NCKAP5: variants seen among roughly 807,000 people sequenced by gnomAD.
NCKAP5 encodes nck-associated protein 5.
In NCKAP5, 92 loss-of-function variants were observed where a neutral mutation model predicts 167.0. That is an observed-to-expected ratio of 0.55 (90% CI 0.47 to 0.66). The LOEUF (loss-of-function observed/expected upper bound fraction) is 0.66, where lower values mean the gene tolerates loss of function less well. NCKAP5 is among the 30% of genes least tolerant of loss of function. NCKAP5 has a pLI of 0.00. For missense variants in NCKAP5, 2,378 were observed against 2,315.0 expected (o/e 1.03, Z -0.56); for synonymous variants, 891 against 877.4 (o/e 1.02, Z -0.27).
At chr2:133,059,622 G>A (rs2079924840) in intron 6 of NCKAP5, among the ~76,000 whole-genome samples, 1 of 150,982 alleles carries the variant, frequency 6.6e-6, no homozygotes, top group South Asian at 2.1e-4. Context: ...GCAGTAAGCT[G>A]CAATCATGCC....
chr2:133,636,606 C>T, the NCKAP5 span, among the ~76,000 whole-genome samples: 1 of 152,192 alleles, frequency 6.6e-6, no homozygotes, highest in Admixed American at 6.5e-5. Context: ...ACACAACAAA[C>T]ATCCTTTTTA....
the NCKAP5 span, among the ~76,000 whole-genome samples, chr2:133,605,255 T>A: frequency 6.6e-6 from 1 of 152,174 alleles, no homozygotes; most frequent in East Asian, 1.9e-4. Flanking sequence ...AATTGGTTGG[T>A]TGGTCCCTGT....
intron 16 of NCKAP5, among the ~76,000 whole-genome samples, chr2:132,737,591 C>A (rs1044035841): frequency 8.5e-5 from 13 of 152,132 alleles, no homozygotes; most frequent in African/African-American, 3.1e-4. Flanking sequence ...AAAATCCCCA[C>A]TCATCTCACT....
intron 3 of NCKAP5, among the ~76,000 whole-genome samples, chr2:133,474,155 T>C (rs201039851): frequency 9.1e-5 from 13 of 142,650 alleles, no homozygotes; most frequent in East Asian, 4.0e-4. Flanking sequence ...TATCTATCTA[T>C]ACACACACAC....
In NCKAP5 at chr2:132,784,670, G is replaced by A. The variant is rs1206944014; in HGVS notation, c.2141C>T (p.Pro714Leu). 15 of 1,613,838 alleles carry A rather than the reference G, an allele frequency of 9.3e-6. 1 individual carries two copies. Among genetic ancestry groups the A allele is most frequent in the South Asian group, 4.4e-5 (4 of 91,080 alleles). The change falls in exon 14 of 20, where the codon CCT (proline) becomes CTT (leucine). Residue 714 changes from proline to leucine, a missense_variant. Physicochemically the swap from Pro to Leu is moderately conservative, Grantham distance 98 (BLOSUM62 -3). This residue lies in a region of NCKAP5 where 1,049 missense variants were observed against 1,023.4 expected (regional missense o/e 1.02). Coordinates refer to ENST00000409261, the MANE Select transcript of NCKAP5 (RefSeq NM_207363.3). ...GPKAEHTELL[P>L]QGIACLQPRA... The stretch of plus-strand genomic sequence containing the variant: ...TGGCTGTAAACAAGCAATTCCCTGA[G>A]GTAAAAGCTCAGTATGTTCTGCCTT...
intron 3 of NCKAP5, among the ~76,000 whole-genome samples, chr2:133,430,286 T>G (rs948778734): frequency 6.6e-5 from 10 of 152,160 alleles, no homozygotes; most frequent in African/African-American, 2.4e-4. Flanking sequence ...CTTTCTTGGA[T>G]GCATAGTTTG....
Position 133,130,157 on chromosome 2 carries a change from C to T in NCKAP5, c.208-46G>A, listed in dbSNP as rs761177276. Reference sequence around the variant, plus strand: ...ATGACTTTTAGGAAGGTGTTTATGACAAAAATAAGAAATAGCTGGTTATCA... The same window carrying T: ...ATGACTTTTAGGAAGGTGTTTATGATAAAAATAAGAAATAGCTGGTTATCA... On this transcript the variant is annotated intron_variant, in intron 5 of 19. Transcript: ENST00000409261. 1.9e-6 allele frequency: 3 copies of T among 1,567,448 alleles called. No homozygotes were observed. In the African/African-American group the frequency reaches 4.2e-5, roughly 22 times the overall value.
intron 4 of NCKAP5, among the ~76,000 whole-genome samples, chr2:133,265,424 G>A (rs914553994): frequency 3.3e-5 from 5 of 152,010 alleles, no homozygotes; most frequent in Admixed American, 1.3e-4. Context: ...AAGGAGAGGA[G>A]GAGGAAGGCC....
intron 3 of NCKAP5, among the ~76,000 whole-genome samples, chr2:133,403,886 G>GAT (rs1553634124): frequency 1.4e-5 from 2 of 138,204 alleles, no homozygotes. Flanking sequence ...CAGTCAGGTG[G>GAT]ATGTGTGTGT....
chr2:133,560,710 T>C (rs1363777237), intron 1 of NCKAP5, among the ~76,000 whole-genome samples: 1 of 152,250 alleles, frequency 6.6e-6, no homozygotes, highest in East Asian at 1.9e-4. Context: ...CATGACACGC[T>C]CTCAGCTCTC....
In NCKAP5 at chr2:132,878,861, C is replaced by T. The variant is rs760005559; in HGVS notation, c.635G>A (p.Arg212Gln). 111 of 1,613,304 alleles carry T rather than the reference C, an allele frequency of 6.9e-5. No individual in the cohort carries two copies. The highest frequency in any genetic ancestry group is 5.7e-4 in the Admixed American group (34 of 60,006). ...CATCCCCCTTACCTCATCAAGACAT[C>T]GCTCATATTGTTCCCTTTGATTTTC... ...ENENQREQYERCLDEVANQVV... is the reference protein window; with the variant it reads ...ENENQREQYEQCLDEVANQVV... Residue 212 changes from arginine (R) to glutamine (Q), a missense_variant, in exon 9 of 20, where the codon CGA (arginine) becomes CAA (glutamine). Around this residue, in one of 3 missense-constraint regions of NCKAP5, gnomAD observed 1,049 missense variants for 1,023.4 expected, o/e 1.02. Coordinates refer to ENST00000409261, the MANE Select transcript of NCKAP5 (RefSeq NM_207363.3).
In NCKAP5 at chr2:133,256,344, C is replaced by A. The variant is rs950615908; in HGVS notation, c.144-42565G>T. On this transcript the variant is annotated intron_variant, in intron 4 of 19. Coordinates refer to ENST00000409261, the MANE Select transcript of NCKAP5 (RefSeq NM_207363.3). ...TGAAACCCTTCATCTGAATTAACAA[C>A]CCCATTAGGAAAAATTGTGACCCCA... Among the ~76,000 whole-genome samples the A allele has an allele frequency of 2.6e-5, 4 of 152,112 alleles. 1 individual carries two copies. The highest frequency in any genetic ancestry group is 2.6e-4 in the Admixed American group (4 of 15,286).
chr2:133,365,216 C>T (rs1685376445), intron 3 of NCKAP5, among the ~76,000 whole-genome samples: 1 of 152,112 alleles, frequency 6.6e-6, no homozygotes, highest in African/African-American at 2.4e-5. Context: ...CTGCCTTTTT[C>T]TCCAATGACA....
At chr2:133,260,708 T>C (rs1041403023) in intron 4 of NCKAP5, among the ~76,000 whole-genome samples, 12 of 152,204 alleles carry the variant, frequency 7.9e-5, no homozygotes, top group African/African-American at 2.7e-4. Flanking sequence ...CACTACGATA[T>C]TAGTATTTTA....
At chr2:133,194,903 C>T (rs755984357) in intron 5 of NCKAP5, among the ~76,000 whole-genome samples, 4 of 151,022 alleles carry the variant, frequency 2.6e-5, no homozygotes, top group Non-Finnish European at 4.4e-5. Context: ...TATTCTAGCT[C>T]CATTGAGTTA....
intron 4 of NCKAP5, among the ~76,000 whole-genome samples, chr2:133,297,166 AGTGTGTGTGTGT>A (rs60321858): frequency 0.017 from 2,479 of 142,164 alleles, 40 homozygotes; most frequent in Admixed American, 0.034. Flanking sequence ...AGGTTGTCAC[AGTGTGTGTGTGT>A]GTGTGTGTGT....
At chr2:133,018,270 G>T (rs2078413349) in intron 6 of NCKAP5, among the ~76,000 whole-genome samples, 1 of 152,202 alleles carries the variant, frequency 6.6e-6, no homozygotes, top group African/African-American at 2.4e-5. Context: ...AAGCCACGTA[G>T]AAGAGGCCTG....
chr2:133,213,566 A>C, intron 5 of NCKAP5, 150 bp downstream of exon 5: 1 of 716,710 alleles, frequency 1.4e-6, no homozygotes, highest in East Asian at 2.7e-5. Flanking sequence ...AGAGCTGTAT[A>C]AATTCTATTA....
intron 4 of NCKAP5, among the ~76,000 whole-genome samples, chr2:133,232,489 G>T (rs1396822369): frequency 3.9e-5 from 6 of 152,132 alleles, no homozygotes; most frequent in Non-Finnish European, 8.8e-5. Flanking sequence ...AAAACAACTA[G>T]AAATGTCCTA....
Sources: allele counts gnomAD v4.1 joint callset (sites outside exome capture counted in the v4.1 genomes callset), GRCh38; gene constraint gnomAD v4.1.1; regional missense constraint gnomAD v4.1.1; transcripts MANE v1.5; gene names NCBI Gene and HGNC (gene_info 2026-07-23, HGNC 2026-07-21).